The following FBXO4 variants were observed in gnomAD, a reference collection of about 807,000 sequenced individuals.
FBXO4 encodes F-box only protein 4.
A neutral mutation model predicts 43.7 loss-of-function variants in FBXO4; 36 were observed. The ratio of observed to expected loss-of-function variants is 0.82; its 90% CI spans 0.63 to 1.09. The LOEUF (loss-of-function observed/expected upper bound fraction) is 1.09, where lower values mean the gene tolerates loss of function less well. Ranked by LOEUF, FBXO4 falls within the 50% of genes least tolerant of loss-of-function variation. FBXO4 has a pLI of 0.00. For synonymous variants in FBXO4, 180 were observed against 165.6 expected (o/e 1.09, Z -0.67); for missense variants, 435 against 474.1 (o/e 0.92, Z 0.77).
the FBXO4 span, among the ~76,000 whole-genome samples, chr5:41,973,477 G>A: frequency 6.6e-6 from 1 of 152,128 alleles, no homozygotes; most frequent in East Asian, 1.9e-4. Flanking sequence ...AGGGGTTTGA[G>A]ACCAGTCTGG....
chr5:41,934,848 G>A (rs1435558383), intron 5 of FBXO4: 11 of 987,666 alleles, frequency 1.1e-5, no homozygotes, highest in African/African-American at 7.0e-5. Flanking sequence ...TGCTATTTTT[G>A]TGTGAAATCA....
the FBXO4 span, among the ~76,000 whole-genome samples, chr5:41,974,136 ACTT>A: frequency 6.6e-5 from 10 of 151,984 alleles, no homozygotes; most frequent in Admixed American, 2.6e-4. Context: ...TTGTCTCAAC[ACTT>A]CTTCTTTGTC....
the FBXO4 span, among the ~76,000 whole-genome samples, chr5:41,963,638 G>A: frequency 2.0e-4 from 30 of 152,192 alleles, 1 homozygote; most frequent in African/African-American, 7.2e-4. Flanking sequence ...AAAATCACAA[G>A]AAAGGGAAAA....
rs190013142 is a variant in FBXO4, at chr5:41,938,392, G to T, written c.899-1049G>T. 2.0e-5 allele frequency among the ~76,000 whole-genome samples: 3 copies of T among 152,120 alleles called. No homozygotes were observed. In the East Asian group the frequency reaches 5.8e-4, roughly 29 times the overall value. ...CTAAGCCAGTAGTGGATATAAAATGGAACCATTAAAAAACTCAGTCCAAAA... is the reference window on the plus strand; with the variant it reads ...CTAAGCCAGTAGTGGATATAAAATGTAACCATTAAAAAACTCAGTCCAAAA... On this transcript the variant is annotated intron_variant, in intron 5 of 6. Coordinates refer to ENST00000281623, the MANE Select transcript of FBXO4 (RefSeq NM_012176.3).
chr5:41,942,407 C>G (rs989576246), downstream of FBXO4, among the ~76,000 whole-genome samples: 1 of 150,426 alleles, frequency 6.6e-6, no homozygotes, highest in Non-Finnish European at 1.5e-5. Context: ...CAGAACAATG[C>G]TTTTATATCA....
At chr5:42,009,245 T>A in the FBXO4 span, among the ~76,000 whole-genome samples, 1 of 152,132 alleles carries the variant, frequency 6.6e-6, no homozygotes, top group African/African-American at 2.4e-5. Context: ...TGTTTAACTA[T>A]CCATGTCTGA....
chr5:42,035,690 A>G, the FBXO4 span, among the ~76,000 whole-genome samples: 1 of 152,106 alleles, frequency 6.6e-6, no homozygotes, highest in Non-Finnish European at 1.5e-5. Context: ...GTGTTCCATG[A>G]GAAAAGAGGC....
At chr5:41,941,023 T>C (rs1369879501) in intron 6 of FBXO4, among the ~76,000 whole-genome samples, 169 bp from the exon 7 acceptor site, 3 of 152,238 alleles carry the variant, frequency 2.0e-5, no homozygotes, top group Non-Finnish European at 4.4e-5. Context: ...GAGATGATCA[T>C]ATTTTTATCT....
At chr5:42,038,533 A>G in the FBXO4 span, among the ~76,000 whole-genome samples, 1 of 152,142 alleles carries the variant, frequency 6.6e-6, no homozygotes, top group Admixed American at 6.6e-5. Context: ...ATGTTGTCAT[A>G]CAAGCATACA....
downstream of FBXO4, among the ~76,000 whole-genome samples, chr5:41,942,031 C>T (rs1752013442): frequency 6.6e-6 from 1 of 151,964 alleles, no homozygotes; most frequent in Non-Finnish European, 1.5e-5. Context: ...TGGAACTCAG[C>T]AATTTTAAGA....
At chr5:41,925,601 TG>T in intron 1 of FBXO4, 103 bp downstream of exon 1, 1 of 867,122 alleles carries the variant, frequency 1.2e-6, no homozygotes, top group East Asian at 3.4e-5. Flanking sequence ...CGCCCCGGCC[TG>T]GGTCTGGCTC....
chr5:41,929,743 C>T lies in FBXO4; in HGVS notation c.472C>T (p.Arg158Cys), dbSNP rs746389879. The change falls in exon 3 of 7, where the codon CGT becomes TGT. Residue 158 changes from arginine (R) to cysteine (C), a missense_variant. Physicochemically the swap from Arg to Cys is radical, Grantham distance 180. Coordinates refer to ENST00000281623, the MANE Select transcript of FBXO4 (RefSeq NM_012176.3). ...CACAAGAAGAGCTTCAAAATCCAGC[C>T]GTCCTATGTATGGAGCTGTCACTTC... ...PYTRRASKSS[R>C]PMYGAVTSFL... 5.0e-6 allele frequency: 8 copies of T among 1,613,386 alleles called. No homozygotes were observed. The highest frequency in any genetic ancestry group is 1.7e-5 in the Admixed American group (1 of 59,822).
chr5:42,036,572 A>G, the FBXO4 span, among the ~76,000 whole-genome samples: 1 of 152,158 alleles, frequency 6.6e-6, no homozygotes, highest in Admixed American at 6.6e-5. Flanking sequence ...AATATTTACC[A>G]AAAGGCTTTG....
the FBXO4 span, among the ~76,000 whole-genome samples, chr5:42,025,846 A>G: frequency 2.6e-5 from 4 of 151,640 alleles, no homozygotes; most frequent in Non-Finnish European, 5.9e-5. Flanking sequence ...AAAGTGAGTT[A>G]CTGTAGGTGT....
At chr5:41,983,292 G>A in the FBXO4 span, among the ~76,000 whole-genome samples, 21,400 of 152,026 alleles carry the variant, frequency 0.14, 2,438 homozygotes, top group African/African-American at 0.31. Flanking sequence ...TACAAATTAA[G>A]TGAGTGTATA....
chr5:41,958,628 TGTAA>T, the FBXO4 span, among the ~76,000 whole-genome samples: 3 of 152,204 alleles, frequency 2.0e-5, no homozygotes, highest in Admixed American at 2.0e-4. Context: ...ACATTCCACA[TGTAA>T]GTGAGATCAT....
chr5:41,936,129 T>C (rs1751842828), intron 5 of FBXO4, among the ~76,000 whole-genome samples: 1 of 152,188 alleles, frequency 6.6e-6, no homozygotes, highest in Admixed American at 6.5e-5. Context: ...TAACATTAAA[T>C]CTAAAAATTA....
chr5:41,981,019 C>T, the FBXO4 span, among the ~76,000 whole-genome samples: 1 of 151,856 alleles, frequency 6.6e-6, no homozygotes, highest in Non-Finnish European at 1.5e-5. Flanking sequence ...TACTAACATC[C>T]TCACTAGATA....
At chr5:41,929,233 C>CTATG (rs764829033) in intron 2 of FBXO4, among the ~76,000 whole-genome samples, 1 of 152,152 alleles carries the variant, frequency 6.6e-6, no homozygotes, top group Non-Finnish European at 1.5e-5. Flanking sequence ...GGGGCCTGCC[C>CTATG]TATGCATTGT....
Sources: allele counts gnomAD v4.1 joint callset (sites outside exome capture counted in the v4.1 genomes callset), GRCh38; gene constraint gnomAD v4.1.1; transcripts MANE v1.5; gene names NCBI Gene and HGNC (gene_info 2026-07-23, HGNC 2026-07-21).